The following OSBPL9 variants were observed in gnomAD, a reference collection of about 807,000 sequenced individuals.
OSBPL9 encodes oxysterol binding protein like 9.
A neutral mutation model predicts 106.6 loss-of-function variants in OSBPL9; 40 were observed. That is an observed-to-expected ratio of 0.38 (90% CI 0.29 to 0.49). The LOEUF (loss-of-function observed/expected upper bound fraction) is 0.49, where lower values mean the gene tolerates loss of function less well. Among genes scored for constraint, OSBPL9 ranks in the 20% least tolerant of loss-of-function variants. The probability of loss-of-function intolerance (pLI) is 0.97; values close to 1 mark genes in which losing one functional copy is unlikely to be tolerated. For missense variants in OSBPL9, 609 were observed against 887.2 expected (o/e 0.69, Z 3.98); for synonymous variants, 269 against 295.4 (o/e 0.91, Z 0.92).
chr1:51,772,471 G>A (rs748215718), intron 13 of OSBPL9, 134 bp from the exon 14 acceptor site: 44 of 773,476 alleles, frequency 5.7e-5, no homozygotes, highest in Non-Finnish European at 7.9e-5. Flanking sequence ...AGCCAAGATC[G>A]TGCCATTGCA....
the OSBPL9 span, among the ~76,000 whole-genome samples, chr1:51,553,793 C>T: frequency 2.6e-5 from 4 of 152,166 alleles, no homozygotes. Flanking sequence ...ATTCTCCTGC[C>T]TCAGCCTCCC....
chr1:51,640,937 C>G (rs1375670794), intron 1 of OSBPL9, among the ~76,000 whole-genome samples: 1 of 151,508 alleles, frequency 6.6e-6, no homozygotes, highest in Non-Finnish European at 1.5e-5. Context: ...GTGTGTGCCA[C>G]CACACCTGGC....
At chr1:51,782,285 A>G (rs1018235803) in intron 16 of OSBPL9, among the ~76,000 whole-genome samples, 3 of 152,216 alleles carry the variant, frequency 2.0e-5, no homozygotes, top group Non-Finnish European at 4.4e-5. Context: ...ACAGACAAGT[A>G]TGTGTCTGTT....
At chr1:51,703,806 TC>T (rs1657835304) in intron 3 of OSBPL9, among the ~76,000 whole-genome samples, 1 of 152,332 alleles carries the variant, frequency 6.6e-6, no homozygotes, top group East Asian at 1.9e-4. Flanking sequence ...TTGAGATACT[TC>T]CCATCAACAC....
the OSBPL9 span, among the ~76,000 whole-genome samples, chr1:51,532,546 A>G: frequency 6.6e-6 from 1 of 152,236 alleles, no homozygotes; most frequent in Non-Finnish European, 1.5e-5. Context: ...TTGAAAATGT[A>G]GTATGATTCC....
chr1:51,725,565 G>C (rs1018677783), intron 4 of OSBPL9, among the ~76,000 whole-genome samples: 1 of 152,188 alleles, frequency 6.6e-6, no homozygotes, highest in Non-Finnish European at 1.5e-5. Flanking sequence ...TAATGTGGTG[G>C]TAAGGTGTGC....
At chr1:51,747,785 G>C (rs1476821254) in intron 6 of OSBPL9, among the ~76,000 whole-genome samples, 1 of 151,394 alleles carries the variant, frequency 6.6e-6, no homozygotes, top group African/African-American at 2.4e-5. Flanking sequence ...AGAATTTTTT[G>C]TTGTTGTTTT....
chr1:51,628,404 C>A (rs909239098), intron 1 of OSBPL9, among the ~76,000 whole-genome samples: 1 of 151,802 alleles, frequency 6.6e-6, no homozygotes, highest in African/African-American at 2.4e-5. Context: ...AGATCTCAGT[C>A]ATCTGGCTTT....
chr1:51,557,169 T>A, the OSBPL9 span, among the ~76,000 whole-genome samples: 2 of 152,174 alleles, frequency 1.3e-5, no homozygotes, highest in African/African-American at 4.8e-5. Flanking sequence ...CAAAAAAGTT[T>A]TCTTGTTTTT....
intron 1 of OSBPL9, among the ~76,000 whole-genome samples, chr1:51,631,668 T>C (rs1645114338): frequency 6.6e-6 from 1 of 152,240 alleles, no homozygotes; most frequent in Non-Finnish European, 1.5e-5. Flanking sequence ...CAGGCTCCTC[T>C]AATCTCCTAG....
At chr1:51,645,295 A>T (rs1027386554) in intron 1 of OSBPL9, among the ~76,000 whole-genome samples, 13 of 152,198 alleles carry the variant, frequency 8.5e-5, no homozygotes, top group Non-Finnish European at 1.8e-4. Context: ...TGATTTTCTT[A>T]GGCAAAATAT....
rs376628101 is a variant in OSBPL9 at position 51,651,460 on chromosome 1, G to A, written c.112-531G>A. ...TCTATCAAAAACACAAAAATTAGCC[G>A]AGCATGGTGGCGGGTGCCTGTAATC... On this transcript the variant is annotated intron_variant, in intron 1 of 23. Transcript: ENST00000428468. Among the ~76,000 whole-genome samples, 33 of 152,128 alleles carry A rather than the reference G, an allele frequency of 2.2e-4. No homozygotes were observed. In the East Asian group the frequency reaches 4.8e-3, roughly 22 times the overall value.
intron 1 of OSBPL9, among the ~76,000 whole-genome samples, chr1:51,580,935 T>C (rs1645217615): frequency 5.5e-4 from 1 of 1,806 alleles, no homozygotes; most frequent in African/African-American, 1.4e-3. Flanking sequence ...TATATATATA[T>C]ATATATATAT....
intron 1 of OSBPL9, among the ~76,000 whole-genome samples, chr1:51,594,477 T>C (rs1479107713): frequency 6.6e-6 from 1 of 152,044 alleles, no homozygotes; most frequent in Non-Finnish European, 1.5e-5. Flanking sequence ...TCACAATCAA[T>C]GACCCCCTTT....
At chr1:51,578,094 C>A (rs138664544) in intron 1 of OSBPL9, among the ~76,000 whole-genome samples, 1 of 152,272 alleles carries the variant, frequency 6.6e-6, no homozygotes, top group Non-Finnish European at 1.5e-5. Context: ...CCGTTGTGTG[C>A]CAGTATTTAG....
the OSBPL9 span, chr1:51,565,465 T>G: frequency 6.6e-6 from 1 of 152,224 alleles, no homozygotes; most frequent in Non-Finnish European, 1.5e-5. Flanking sequence ...TTATTTGAAA[T>G]TCAGCATATT....
intron 1 of OSBPL9, among the ~76,000 whole-genome samples, chr1:51,642,559 G>A (rs1374993942): frequency 6.6e-6 from 1 of 152,110 alleles, no homozygotes; most frequent in Non-Finnish European, 1.5e-5. Flanking sequence ...GTAGGTGGGG[G>A]ACAAGGAAAA....
At chr1:51,591,924 G>A (rs889012251) in intron 1 of OSBPL9, among the ~76,000 whole-genome samples, 3 of 151,922 alleles carry the variant, frequency 2.0e-5, no homozygotes, top group East Asian at 1.9e-4. Flanking sequence ...TGGACTTCTC[G>A]GTCCTCTAAG....
intron 8 of OSBPL9, 138 bp from the exon 9 acceptor site, chr1:51,756,182 T>G: frequency 5.7e-6 from 4 of 698,816 alleles, no homozygotes; most frequent in Non-Finnish European, 9.8e-6. Context: ...CACATGGAAT[T>G]AAAATCTTAG....
Sources: allele counts gnomAD v4.1 joint callset (sites outside exome capture counted in the v4.1 genomes callset), GRCh38; gene constraint gnomAD v4.1.1; transcripts MANE v1.5; gene names NCBI Gene and HGNC (gene_info 2026-07-23, HGNC 2026-07-21).